B3GALT1: variants seen among roughly 807,000 people sequenced by gnomAD.
B3GALT1 encodes beta-1,3-galactosyltransferase 1.
A neutral mutation model predicts 23.2 loss-of-function variants in B3GALT1; 10 were observed. That is an observed-to-expected ratio of 0.43 (90% CI 0.27 to 0.73). The LOEUF (loss-of-function observed/expected upper bound fraction) is 0.73, where lower values mean the gene tolerates loss of function less well. B3GALT1 is among the 30% of genes least tolerant of loss of function. The pLI, the probability that B3GALT1 is intolerant of heterozygous loss-of-function variation, is 0.21. For synonymous variants in B3GALT1, 156 were observed against 141.5 expected (o/e 1.10, Z -0.73); for missense variants, 299 against 405.4 (o/e 0.74, Z 2.25).
chr2:167,665,980 T>G (rs1433132735), intron 3 of B3GALT1, among the ~76,000 whole-genome samples: 3 of 152,184 alleles, frequency 2.0e-5, no homozygotes, highest in Admixed American at 2.0e-4. Context: ...TGCTCTGATT[T>G]TAGTTATTTC....
chr2:167,661,299 T>A (rs370180511), intron 3 of B3GALT1, among the ~76,000 whole-genome samples: 6 of 152,230 alleles, frequency 3.9e-5, no homozygotes, highest in African/African-American at 1.4e-4. Flanking sequence ...CAATTTCTAT[T>A]ATATACTATG....
At chr2:167,559,955 T>C (rs370291456) in intron 2 of B3GALT1, among the ~76,000 whole-genome samples, 42 of 151,930 alleles carry the variant, frequency 2.8e-4, no homozygotes, top group African/African-American at 8.2e-4. Context: ...ATACAGAGAA[T>C]GCCACAAAGA....
intron 3 of B3GALT1, among the ~76,000 whole-genome samples, chr2:167,770,613 G>A (rs570085653): frequency 1.8e-4 from 28 of 152,230 alleles, no homozygotes; most frequent in African/African-American, 6.7e-4. Context: ...AGCAAAAATT[G>A]TTAACGTTGA....
intron 3 of B3GALT1, among the ~76,000 whole-genome samples, chr2:167,669,771 G>A (rs913242751): frequency 6.6e-6 from 1 of 151,926 alleles, no homozygotes; most frequent in African/African-American, 2.4e-5. Flanking sequence ...GACCCCCTTG[G>A]CCTACAGTTT....
At chr2:167,499,690 T>G (rs1699825736) in intron 2 of B3GALT1, among the ~76,000 whole-genome samples, 1 of 152,024 alleles carries the variant, frequency 6.6e-6, no homozygotes. Flanking sequence ...CCTTCCACCG[T>G]CCCCACCAAA....
rs534195759 is a variant in B3GALT1, at chr2:167,818,890, C to A, written c.-230+97C>A. 5.3e-5 allele frequency among the ~76,000 whole-genome samples: 8 copies of A among 152,272 alleles called. No individual in the cohort carries two copies. In the South Asian group the frequency reaches 1.0e-3, roughly 20 times the overall value. ...GCAACTCTACAAAATCAGAAATCAGCGTCTAAGGACTAATGAGCAGAGAGA... is the reference window on the plus strand; with the variant it reads ...GCAACTCTACAAAATCAGAAATCAGAGTCTAAGGACTAATGAGCAGAGAGA... On this transcript the variant is annotated intron_variant, in intron 4 of 4. Coordinates refer to ENST00000392690, the MANE Select transcript of B3GALT1 (RefSeq NM_020981.4).
chr2:167,660,326 ACTGTGGTGTCTATTTAGC>A (rs1686034302), intron 3 of B3GALT1, among the ~76,000 whole-genome samples: 1 of 152,046 alleles, frequency 6.6e-6, no homozygotes, highest in South Asian at 2.1e-4. Flanking sequence ...AGTGATAGGT[ACTGTGGTGTCTATTTAGC>A]CTGTGCTTTA....
intron 3 of B3GALT1, among the ~76,000 whole-genome samples, chr2:167,705,943 T>G (rs1686961784): frequency 6.6e-6 from 1 of 152,216 alleles, no homozygotes. Flanking sequence ...ACTTTCATCA[T>G]TGCAGAAATT....
chr2:167,833,209 C>T (rs1689387489), intron 4 of B3GALT1, among the ~76,000 whole-genome samples: 1 of 152,242 alleles, frequency 6.6e-6, no homozygotes, highest in Admixed American at 6.5e-5. Context: ...TTTCGATTCA[C>T]TCTCACTGTG....
chr2:167,815,003 T>C (rs138418593), intron 3 of B3GALT1: 1 of 152,356 alleles, frequency 6.6e-6, no homozygotes, highest in East Asian at 1.9e-4. Flanking sequence ...CCACCAGCTC[T>C]GCCCAAGCCC....
intron 1 of B3GALT1, among the ~76,000 whole-genome samples, chr2:167,344,267 G>A (rs891778868): frequency 6.6e-6 from 1 of 151,846 alleles, no homozygotes; most frequent in African/African-American, 2.4e-5. Context: ...TTATCTACTC[G>A]CCCCCAAAAC....
chr2:167,556,201 T>C (rs867589754), intron 2 of B3GALT1, among the ~76,000 whole-genome samples: 42 of 152,208 alleles, frequency 2.8e-4, no homozygotes, highest in African/African-American at 9.9e-4. Flanking sequence ...ATTAAGAATA[T>C]ATTAAATATT....
chr2:167,364,512 T>G (rs938106760), intron 1 of B3GALT1, among the ~76,000 whole-genome samples: 1 of 151,972 alleles, frequency 6.6e-6, no homozygotes, highest in Admixed American at 6.6e-5. Context: ...CAACAGGCCC[T>G]GGTGTGTGAT....
At chr2:167,417,774 T>C (rs1698492178) in intron 1 of B3GALT1, among the ~76,000 whole-genome samples, 1 of 152,210 alleles carries the variant, frequency 6.6e-6, no homozygotes, top group Non-Finnish European at 1.5e-5. Context: ...ATAATGGTCA[T>C]TGAAAGTATT....
At chr2:167,481,155 C>T (rs142729350) in intron 1 of B3GALT1, among the ~76,000 whole-genome samples, 20 of 152,266 alleles carry the variant, frequency 1.3e-4, no homozygotes, top group Non-Finnish European at 2.2e-4. Context: ...AAATGTGCAT[C>T]TTTGTTCTCT....
At chr2:167,566,333 A>C (rs1033248170) in intron 2 of B3GALT1, among the ~76,000 whole-genome samples, 57 of 150,608 alleles carry the variant, frequency 3.8e-4, no homozygotes, top group Admixed American at 1.3e-3. Context: ...GGGGAACATC[A>C]CACTCTGGGG....
chr2:167,381,222 C>A (rs1227123350), intron 1 of B3GALT1, among the ~76,000 whole-genome samples: 3 of 152,086 alleles, frequency 2.0e-5, no homozygotes, highest in African/African-American at 4.8e-5. Flanking sequence ...TGTGCACCAC[C>A]ATGCCTGGCT....
chr2:167,389,857 G>C (rs1450118309), intron 1 of B3GALT1, among the ~76,000 whole-genome samples: 2 of 145,320 alleles, frequency 1.4e-5, no homozygotes, highest in African/African-American at 2.5e-5. Flanking sequence ...GCTGCATGGA[G>C]CTGTGATTGT....
chr2:167,540,128 T>C (rs1683511595), intron 2 of B3GALT1, among the ~76,000 whole-genome samples: 2 of 152,208 alleles, frequency 1.3e-5, no homozygotes, highest in East Asian at 3.9e-4. Context: ...TCTGTTCTTG[T>C]CTCCCCTCTG....
Sources: allele counts gnomAD v4.1 joint callset (sites outside exome capture counted in the v4.1 genomes callset), GRCh38; gene constraint gnomAD v4.1.1; transcripts MANE v1.5; gene names NCBI Gene and HGNC (gene_info 2026-07-23, HGNC 2026-07-21).